Variants in XKR4 observed in about 807,000 individuals in gnomAD.
XKR4 encodes the protein XK-related protein 4.
Under a neutral mutation model 53.9 loss-of-function variants are expected in XKR4, and 12 were observed. The observed-to-expected ratio is 0.22, with a 90% CI of 0.14 to 0.36. XKR4 has a LOEUF of 0.36. Ranked by LOEUF, XKR4 falls within the 10% of genes least tolerant of loss-of-function variation. XKR4 has a pLI of 1.00. For synonymous variants in XKR4, 354 were observed against 362.4 expected (o/e 0.98, Z 0.26); for missense variants, 799 against 859.5 (o/e 0.93, Z 0.88).
At chr8:55,502,027 G>A (rs1911150) in intron 2 of XKR4, among the ~76,000 whole-genome samples, 269 of 152,272 alleles carry the variant, frequency 1.8e-3, no homozygotes, top group African/African-American at 6.2e-3. Context: ...TGCTATGTAA[G>A]GAGTTGGTAT....
chr8:55,420,488 A>T (rs1348674466), intron 2 of XKR4, among the ~76,000 whole-genome samples: 2 of 147,856 alleles, frequency 1.4e-5, no homozygotes, highest in Admixed American at 6.6e-5. Flanking sequence ...CTTTGGAGGG[A>T]CATGGATGAA....
At chr8:55,222,174 T>C (rs1246808465) in intron 1 of XKR4, among the ~76,000 whole-genome samples, 1 of 152,158 alleles carries the variant, frequency 6.6e-6, no homozygotes, top group Non-Finnish European at 1.5e-5. Flanking sequence ...TTCTCAGATG[T>C]TTTCTTAGAT....
chr8:55,436,374 A>T (rs559108139), intron 2 of XKR4, among the ~76,000 whole-genome samples: 46 of 152,314 alleles, frequency 3.0e-4, no homozygotes, highest in African/African-American at 1.1e-3. Flanking sequence ...TGTGCTTTTA[A>T]GGAAAGAGGA....
At chr8:55,110,877 TATC>T (rs1479604075) in intron 1 of XKR4, among the ~76,000 whole-genome samples, 1 of 152,176 alleles carries the variant, frequency 6.6e-6, no homozygotes, top group Non-Finnish European at 1.5e-5. Context: ...CTGTAATTCT[TATC>T]ATCATAAAAC....
chr8:55,186,570 G>A (rs2129360470), intron 1 of XKR4, among the ~76,000 whole-genome samples: 1 of 152,130 alleles, frequency 6.6e-6, no homozygotes, highest in East Asian at 1.9e-4. Context: ...GCAAGAGAAT[G>A]GCATGAACCC....
intron 1 of XKR4, among the ~76,000 whole-genome samples, chr8:55,106,836 G>A (rs550314656): frequency 4.6e-5 from 7 of 152,200 alleles, no homozygotes; most frequent in African/African-American, 1.7e-4. Context: ...AGAGTCATCT[G>A]GGAAAAATGT....
chr8:55,249,910 T>C (rs923218539), intron 1 of XKR4, among the ~76,000 whole-genome samples: 1 of 152,222 alleles, frequency 6.6e-6, no homozygotes, highest in Non-Finnish European at 1.5e-5. Context: ...TGTATAAGAA[T>C]GTGAGTAGGA....
intron 1 of XKR4, among the ~76,000 whole-genome samples, chr8:55,327,343 T>C (rs969888846): frequency 6.6e-6 from 1 of 151,208 alleles, no homozygotes; most frequent in Non-Finnish European, 1.5e-5. Context: ...TCTCTTCCTT[T>C]GAAGAAAGCC....
chr8:55,387,642 A>C (rs1329672565), intron 2 of XKR4, among the ~76,000 whole-genome samples: 1 of 152,086 alleles, frequency 6.6e-6, no homozygotes, highest in East Asian at 1.9e-4. Context: ...CTGCCCTCTG[A>C]GTGAGCTGGG....
At chr8:55,493,646 CAT>C (rs1210032681) in intron 2 of XKR4, among the ~76,000 whole-genome samples, 1 of 152,156 alleles carries the variant, frequency 6.6e-6, no homozygotes, top group African/African-American at 2.4e-5. Flanking sequence ...AAGCCTGACA[CAT>C]AGGAAACTCT....
chr8:55,415,749 G>C (rs1289758267), intron 2 of XKR4, among the ~76,000 whole-genome samples: 1 of 152,154 alleles, frequency 6.6e-6, no homozygotes, highest in Non-Finnish European at 1.5e-5. Flanking sequence ...AAAATACATA[G>C]ATTATGCAGT....
intron 1 of XKR4, among the ~76,000 whole-genome samples, chr8:55,148,298 G>A (rs1816796899): frequency 6.6e-6 from 1 of 152,066 alleles, no homozygotes; most frequent in South Asian, 2.1e-4. Flanking sequence ...CCAGCTACTT[G>A]GGAGGCTGAG....
intron 2 of XKR4, among the ~76,000 whole-genome samples, chr8:55,443,962 G>A (rs1437671200): frequency 6.6e-6 from 1 of 152,138 alleles, no homozygotes; most frequent in Non-Finnish European, 1.5e-5. Flanking sequence ...CTTGAGCTCA[G>A]GAATTTGAGA....
Position 55,307,281 on chromosome 8 carries a change from C to T in XKR4, c.807-50397C>T, listed in dbSNP as rs56206293. On this transcript the variant is annotated intron_variant, in intron 1 of 2. Coordinates refer to ENST00000327381, the MANE Select transcript of XKR4 (RefSeq NM_052898.2). ...GTTCCTAGAAGTTACAAAGAACTCC[C>T]AAACTCAACAGTCAAAAAACAAACA... 4.8e-3 allele frequency among the ~76,000 whole-genome samples: 723 copies of T among 152,172 alleles called. 6 individuals carry two copies. The highest frequency in any genetic ancestry group is 0.016 in the African/African-American group (657 of 41,518).
chr8:55,507,045 A>G (rs932443666), intron 2 of XKR4, among the ~76,000 whole-genome samples: 56 of 151,928 alleles, frequency 3.7e-4, no homozygotes, highest in African/African-American at 1.3e-3. Context: ...ATGTTTCTTT[A>G]TGATTATCTG....
intron 1 of XKR4, among the ~76,000 whole-genome samples, chr8:55,170,316 T>C (rs932438420): frequency 3.3e-5 from 5 of 152,152 alleles, no homozygotes; most frequent in African/African-American, 1.2e-4. Flanking sequence ...ATCAGGGAGA[T>C]TATCCTGGAT....
At chr8:55,412,735 C>G (rs946217148) in intron 2 of XKR4, among the ~76,000 whole-genome samples, 1 of 152,236 alleles carries the variant, frequency 6.6e-6, no homozygotes, top group African/African-American at 2.4e-5. Flanking sequence ...GTGTTAAGAA[C>G]AGGAGAACAC....
At chr8:55,354,455 A>C (rs1250713319) in intron 1 of XKR4, among the ~76,000 whole-genome samples, 1 of 152,172 alleles carries the variant, frequency 6.6e-6, no homozygotes, top group Non-Finnish European at 1.5e-5. Context: ...ATGAGAGAGA[A>C]TGTCCAAATA....
At chr8:55,463,808 C>T (rs897787794) in intron 2 of XKR4, among the ~76,000 whole-genome samples, 1 of 152,066 alleles carries the variant, frequency 6.6e-6, no homozygotes, top group African/African-American at 2.4e-5. Flanking sequence ...CCACCAATCC[C>T]ACAGAAATAC....
Sources: allele counts gnomAD v4.1 joint callset (sites outside exome capture counted in the v4.1 genomes callset), GRCh38; gene constraint gnomAD v4.1.1; transcripts MANE v1.5; gene names NCBI Gene and HGNC (gene_info 2026-07-23, HGNC 2026-07-21).